Variants in LUC7L3 observed in about 807,000 individuals in gnomAD.
LUC7L3 encodes luc7-like protein 3.
In LUC7L3, 6 loss-of-function variants were observed where a neutral mutation model predicts 66.8. The observed-to-expected ratio is 0.09, with a 90% CI of 0.05 to 0.18. The LOEUF (loss-of-function observed/expected upper bound fraction) is 0.18, where lower values mean the gene tolerates loss of function less well. Ranked by LOEUF, LUC7L3 falls within the 10% of genes least tolerant of loss-of-function variation. The pLI is 1.00. For synonymous variants in LUC7L3, 160 were observed against 174.7 expected, an observed-to-expected ratio of 0.92 and a Z score of 0.66; for missense variants, 341 against 531.1, an observed-to-expected ratio of 0.64 and a Z score of 3.52.
chr17:50,730,879 G>A (rs1969561747), intron 1 of LUC7L3, among the ~76,000 whole-genome samples: 1 of 151,432 alleles, frequency 6.6e-6, no homozygotes. Flanking sequence ...GGTAGAGGTT[G>A]CATTGAGCCA....
chr17:50,746,834 A>G, intron 9 of LUC7L3, 132 bp downstream of exon 9: 5 of 657,516 alleles, frequency 7.6e-6, no homozygotes, highest in East Asian at 3.0e-5. Context: ...GCCATTCAGT[A>G]GGAGACAGGC....
At chr17:50,747,585 G>A (rs1970759341) in intron 9 of LUC7L3, among the ~76,000 whole-genome samples, 1 of 151,972 alleles carries the variant, frequency 6.6e-6, no homozygotes, top group Non-Finnish European at 1.5e-5. Context: ...CATAATATAT[G>A]TGCTACTATT....
intron 1 of LUC7L3, chr17:50,724,203 A>G (rs1015276732): frequency 1.9e-5 from 4 of 215,948 alleles, no homozygotes; most frequent in Non-Finnish European, 3.9e-5. Flanking sequence ...GTCATTGTAT[A>G]TCTGTAAAAT....
At chr17:50,729,947 T>C (rs1412079927) in intron 1 of LUC7L3, among the ~76,000 whole-genome samples, 3 of 55,552 alleles carry the variant, frequency 5.4e-5, no homozygotes, top group Non-Finnish European at 1.1e-4. Flanking sequence ...TATATATATG[T>C]ATGTATTTTG....
At position 50,744,756 on chromosome 17, in the gene LUC7L3, G is replaced by A. The variant is rs765657404; in HGVS notation, c.636G>A (p.Leu212=). The A allele has an allele frequency of 6.2e-7, 1 of 1,614,156 alleles. No homozygotes were observed. The highest frequency in any genetic ancestry group is 8.5e-7 in the Non-Finnish European group (1 of 1,180,006). The change falls in exon 7 of 10, where the codon TTG becomes TTA. Residue 212 remains leucine (L), a synonymous_variant. Coordinates refer to ENST00000505658, the MANE Select transcript of LUC7L3 (RefSeq NM_016424.5). ...CCCAGTCCCGGGTAGATGACCATTTGATGGGAAAACAACACATGGGCTATG... is the reference window on the plus strand; with the variant it reads ...CCCAGTCCCGGGTAGATGACCATTTAATGGGAAAACAACACATGGGCTATG... ...GDAQSRVDDH[L]MGKQHMGYAK... is the part of the protein sequence containing the mutation.
rs2093092323 is a variant in LUC7L3 at position 50,751,210 on chromosome 17, G to T, written c.*549G>T. 1.4e-6 allele frequency: 2 copies of T among 1,447,760 alleles called. No homozygotes were observed. The highest frequency in any genetic ancestry group is 9.2e-7 in the Non-Finnish European group (1 of 1,092,068). The allele number at this position is 1,447,760 out of a possible 1,614,324, so 89.7% of individuals were successfully genotyped here. On this transcript the variant is annotated 3_prime_UTR_variant, in exon 10 of 10. Coordinates refer to ENST00000505658, the MANE Select transcript of LUC7L3 (RefSeq NM_016424.5). Reference sequence around the variant, plus strand: ...ATTGCCTTGCATTCTAATGCAGTTTGTTCTGTAACTCGAGAGCCAGTAGCA... The same window carrying T: ...ATTGCCTTGCATTCTAATGCAGTTTTTTCTGTAACTCGAGAGCCAGTAGCA...
rs570517042 is a variant in LUC7L3 at position 50,724,520 on chromosome 17, C to CA, written c.99+4699dup. ...TGGGCAACAGAGTGACACTCTGTCT[C>CA]AAAAAAAAAATAGAATAAAATAACC... On this transcript the variant is annotated intron_variant, in intron 1 of 9. Transcript: ENST00000505658. Among the ~76,000 whole-genome samples the CA allele has an allele frequency of 8.4e-3, 1,213 of 144,268 alleles. 4 individuals are homozygous for CA. Among genetic ancestry groups the CA allele is most frequent in the Admixed American group, 0.014 (198 of 14,468 alleles). The allele number at this position is 144,268 out of a possible 152,430, so 94.6% of individuals were successfully genotyped here. A position where few individuals can be genotyped will look rare whatever the true frequency, so the allele number is the denominator to read the frequency against.
intron 1 of LUC7L3, among the ~76,000 whole-genome samples, chr17:50,733,248 G>GTTT (rs57619229): frequency 0.062 from 9,027 of 144,436 alleles, 334 homozygotes; most frequent in African/African-American, 0.1. Flanking sequence ...GTAAAACTTT[G>GTTT]TTTTTTTTTT....
chr17:50,745,643 A>G (rs1031703477), intron 7 of LUC7L3, 77 bp from the exon 8 acceptor site: 3 of 1,158,274 alleles, frequency 2.6e-6, no homozygotes, highest in Non-Finnish European at 2.5e-6. Flanking sequence ...GTCTACAGAT[A>G]ACTTCACATT....
At chr17:50,731,154 G>A (rs1451706521) in intron 1 of LUC7L3, among the ~76,000 whole-genome samples, 3 of 152,140 alleles carry the variant, frequency 2.0e-5, no homozygotes, top group Non-Finnish European at 2.9e-5. Flanking sequence ...ATATCCAAAA[G>A]TAAGAAACGA....
chr17:50,751,525 AT>A lies in LUC7L3; in HGVS notation c.*865del. On this transcript the variant is annotated 3_prime_UTR_variant, in exon 10 of 10. Transcript: ENST00000505658. ...AACTTATAAAACAAATGTTAACAGA[AT>A]GGAATTTTTTTTCAACTGTATGTAG... is the stretch of plus-strand genomic sequence containing the variant. The A allele has an allele frequency of 8.5e-7, 1 of 1,178,794 alleles. No individual in the cohort carries two copies. Among genetic ancestry groups the A allele is most frequent in the Non-Finnish European group, 1.1e-6 (1 of 936,554 alleles). 73.0% of individuals were successfully genotyped at this position (1,178,794 alleles called of 1,614,324 possible). A position where few individuals can be genotyped will look rare whatever the true frequency, so the allele number is the denominator to read the frequency against.
intron 9 of LUC7L3, among the ~76,000 whole-genome samples, chr17:50,749,932 T>C (rs137956559): frequency 2.0e-3 from 304 of 152,328 alleles, no homozygotes; most frequent in African/African-American, 7.0e-3. Context: ...TTACTTTTCT[T>C]AGCAAAGCAC....
chr17:50,745,861 A>C lies in LUC7L3; in HGVS notation c.835A>C (p.Arg279=), dbSNP rs1458988142. The C allele has an allele frequency of 6.2e-7, 1 of 1,600,634 alleles. No individual in the cohort carries two copies. The highest frequency in any genetic ancestry group is 1.7e-5 in the Admixed American group (1 of 58,692). Residue 279 remains arginine, a synonymous_variant, in exon 8 of 10, where the codon AGA becomes CGA. Coordinates refer to ENST00000505658, the MANE Select transcript of LUC7L3 (RefSeq NM_016424.5). ...ERKRRREEEE[R]EKERARDRER... ...GAAAAGACGAAGGGAAGAGGAAGAA[A>C]GAGAAAAAGAAAGGGCTCGTGACAG... is the stretch of plus-strand genomic sequence containing the variant.
At chr17:50,749,201 TC>T (rs1970858143) in intron 9 of LUC7L3, 1 of 1,288,814 alleles carries the variant, frequency 7.8e-7, no homozygotes, top group Non-Finnish European at 1.0e-6. Context: ...ACTATTAAGA[TC>T]TACCATATTT....
chr17:50,723,005 T>A (rs1192471593), intron 1 of LUC7L3: 1 of 152,240 alleles, frequency 6.6e-6, no homozygotes, highest in African/African-American at 2.4e-5. Flanking sequence ...GAGGAAAGCA[T>A]GTGATTGTAA....
intron 2 of LUC7L3, chr17:50,738,116 C>T: frequency 2.2e-6 from 1 of 455,602 alleles, no homozygotes; most frequent in Non-Finnish European, 4.4e-6. Context: ...TAGAAGGATA[C>T]AGCCAGATGT....
At chr17:50,729,940 A>ATATATATG (rs1969471410) in intron 1 of LUC7L3, among the ~76,000 whole-genome samples, 2 of 28,388 alleles carry the variant, frequency 7.0e-5, no homozygotes, top group African/African-American at 2.6e-4. Flanking sequence ...ATATATATAT[A>ATATATATG]TATATGTATG....
chr17:50,752,167 A>G lies in LUC7L3; in HGVS notation c.*1506A>G, dbSNP rs1372794071. On this transcript the variant is annotated 3_prime_UTR_variant, in exon 10 of 10. Coordinates refer to ENST00000505658, the MANE Select transcript of LUC7L3 (RefSeq NM_016424.5). Reference sequence around the variant, plus strand: ...AAAATTGGCCTTTTACATGTTGTCTAATTATCATTTTTCCCCAAATTTTGC... The same window carrying G: ...AAAATTGGCCTTTTACATGTTGTCTGATTATCATTTTTCCCCAAATTTTGC... 9.4e-6 allele frequency: 12 copies of G among 1,283,364 alleles called. No individual in the cohort carries two copies. Among genetic ancestry groups the G allele is most frequent in the South Asian group, 1.3e-5 (1 of 79,480 alleles). The allele number at this position is 1,283,364 out of a possible 1,614,324, so 79.5% of individuals were successfully genotyped here.
chr17:50,743,055 G>T (rs967309282), intron 5 of LUC7L3, among the ~76,000 whole-genome samples: 1 of 152,204 alleles, frequency 6.6e-6, no homozygotes, highest in African/African-American at 2.4e-5. Context: ...ATCTGTGGTT[G>T]CCTGGGGATT....
Sources: gnomAD v4.1 joint callset for allele counts (sites outside exome capture counted in the v4.1 genomes callset) on GRCh38, gnomAD v4.1.1 for gene constraint, MANE v1.5 for transcripts, NCBI Gene and HGNC (gene_info 2026-07-23, HGNC 2026-07-21) for gene names.